RABGEF1: variants seen among roughly 807,000 people sequenced by gnomAD.
RABGEF1 encodes rab5 GDP/GTP exchange factor.
RABGEF1 carries 26 observed loss-of-function variants against 57.3 expected under a neutral mutation model. The observed-to-expected ratio is 0.45, with a 90% CI of 0.33 to 0.63. The LOEUF (loss-of-function observed/expected upper bound fraction) is 0.63. Ranked by LOEUF, RABGEF1 falls within the 20% of genes least tolerant of loss-of-function variation. The pLI is 0.02. For synonymous variants in RABGEF1, 185 were observed against 210.7 expected (o/e 0.88, Z 1.06); for missense variants, 464 against 607.6 (o/e 0.76, Z 2.48).
At chr7:66,798,604 A>T (rs1001425235) in intron 6 of RABGEF1, among the ~76,000 whole-genome samples, 3 of 152,090 alleles carry the variant, frequency 2.0e-5, no homozygotes, top group African/African-American at 7.2e-5. Context: ...ACCAGGAAAC[A>T]CACAGTGATT....
chr7:66,678,171 T>C (rs1789422590), upstream of RABGEF1, among the ~76,000 whole-genome samples: 1 of 152,144 alleles, frequency 6.6e-6, no homozygotes, highest in South Asian at 2.1e-4. Context: ...GCATTCTCCA[T>C]CTACCCATGA....
intron 1 of RABGEF1, among the ~76,000 whole-genome samples, chr7:66,703,068 G>C (rs1303065080): frequency 6.6e-6 from 1 of 152,088 alleles, no homozygotes; most frequent in Non-Finnish European, 1.5e-5. Context: ...CTGCCTCCTG[G>C]GTTCACTCCA....
intron 4 of RABGEF1, among the ~76,000 whole-genome samples, chr7:66,795,202 T>G (rs923480893): frequency 2.3e-4 from 35 of 152,160 alleles, no homozygotes; most frequent in Admixed American, 5.2e-4. Context: ...ATTCCCCCTT[T>G]TCTTCCTTTT....
chr7:66,779,831 TC>T (rs1414364264), intron 3 of RABGEF1, among the ~76,000 whole-genome samples: 1 of 152,144 alleles, frequency 6.6e-6, no homozygotes, highest in African/African-American at 2.4e-5. Context: ...ACACACGGAA[TC>T]CCTATTGGCT....
chr7:66,665,119 G>A, the RABGEF1 span: 4 of 152,220 alleles, frequency 2.6e-5, no homozygotes, highest in South Asian at 2.1e-4. Context: ...TCTGGGCCTC[G>A]GCTCTGGGCA....
chr7:66,738,023 GT>G (rs958049174), upstream of RABGEF1, among the ~76,000 whole-genome samples: 419 of 129,380 alleles, frequency 3.2e-3, 3 homozygotes, highest in Middle Eastern at 0.016. Flanking sequence ...TGTTTTTTTT[GT>G]TTTTTTTTTT....
At chr7:66,672,555 T>G in the RABGEF1 span, among the ~76,000 whole-genome samples, 2 of 152,256 alleles carry the variant, frequency 1.3e-5, no homozygotes, top group Non-Finnish European at 2.9e-5. Flanking sequence ...GAAATAATTA[T>G]AGCTGCTGCA....
At chr7:66,707,428 C>T (rs968620180) in intron 1 of RABGEF1, among the ~76,000 whole-genome samples, 1 of 152,180 alleles carries the variant, frequency 6.6e-6, no homozygotes, top group African/African-American at 2.4e-5. Flanking sequence ...CATGATGGCT[C>T]ACACCTGCAA....
intron 3 of RABGEF1, among the ~76,000 whole-genome samples, chr7:66,776,686 C>G (rs1808639675): frequency 6.6e-6 from 1 of 151,938 alleles, no homozygotes; most frequent in Admixed American, 6.6e-5. Context: ...CAGAGCAAGA[C>G]CCTGTCTAAA....
upstream of RABGEF1, among the ~76,000 whole-genome samples, chr7:66,736,963 CAA>C (rs1372253598): frequency 6.6e-6 from 1 of 152,076 alleles, no homozygotes; most frequent in Non-Finnish European, 1.5e-5. Context: ...CACACGCACA[CAA>C]ATATATATAT....
rs181685684 is a variant in RABGEF1, at chr7:66,752,264, T to G, written c.-18+11472T>G. Among the ~76,000 whole-genome samples, 465 of 151,396 alleles carry G rather than the reference T, an allele frequency of 3.1e-3. 4 individuals are homozygous for G. Among genetic ancestry groups the G allele is most frequent in the Middle Eastern group, 6.8e-3 (2 of 292 alleles). ...ATCTCAGCGCTTTGGGAGTCCGAGG[T>G]GGACGGATCACAACAAGGTCAGGAG... On this transcript the variant is annotated intron_variant, in intron 1 of 8. Coordinates refer to ENST00000284957, the MANE Select transcript of RABGEF1 (RefSeq NM_014504.3).
chr7:66,725,447 T>A (rs1381782460), intron 2 of RABGEF1, among the ~76,000 whole-genome samples: 1 of 152,240 alleles, frequency 6.6e-6, no homozygotes, highest in African/African-American at 2.4e-5. Flanking sequence ...ACTGGAATAA[T>A]GCAATCTGTG....
intron 8 of RABGEF1, 25 bp downstream of exon 8, chr7:66,805,421 G>A: frequency 6.2e-7 from 1 of 1,612,254 alleles, no homozygotes; most frequent in Non-Finnish European, 8.5e-7. Context: ...TCTTGGTGTT[G>A]TGGAGAAGGA....
chr7:66,705,695 G>GT lies in RABGEF1; in HGVS notation c.-872-6461dup, dbSNP rs1439855354. Among the ~76,000 whole-genome samples, 522 of 141,988 alleles carry GT rather than the reference G, an allele frequency of 3.7e-3. 5 individuals carry two copies. In the East Asian group the frequency reaches 0.045, roughly 12 times the overall value. The allele number at this position is 141,988 out of a possible 152,430, so 93.1% of individuals were successfully genotyped here. ...CACTTTCAGTTTGATAGATACAAGT[G>GT]TTTTTTTTTTTGTTTTTTTTTGTTT... On this transcript the variant is annotated intron_variant and NMD_transcript_variant, in intron 1 of 9. Coordinates refer to the RABGEF1 transcript ENST00000607882.
At chr7:66,797,232 A>C in intron 5 of RABGEF1, 142 bp from the exon 6 acceptor site, 1 of 763,090 alleles carries the variant, frequency 1.3e-6, no homozygotes, top group Non-Finnish European at 2.0e-6. Context: ...CGAGCCCAGG[A>C]GGTGGAGGTT....
intron 1 of RABGEF1, among the ~76,000 whole-genome samples, chr7:66,753,855 C>T (rs768913367): frequency 5.9e-5 from 9 of 151,622 alleles, no homozygotes; most frequent in African/African-American, 1.7e-4. Context: ...TACAGGCATG[C>T]GCCATCATGC....
At chr7:66,681,082 A>G (rs916640758), upstream of RABGEF1, among the ~76,000 whole-genome samples, 11 of 152,168 alleles carry the variant, frequency 7.2e-5, no homozygotes, top group African/African-American at 2.7e-4. Context: ...GACTGTCTCA[A>G]AAAAGAAAAA....
intron 2 of RABGEF1, among the ~76,000 whole-genome samples, chr7:66,729,513 C>T (rs1797062843): frequency 6.6e-6 from 1 of 151,824 alleles, no homozygotes; most frequent in Non-Finnish European, 1.5e-5. Flanking sequence ...CCTTCAACCT[C>T]ACCTTTATCC....
intron 8 of RABGEF1, among the ~76,000 whole-genome samples, chr7:66,806,897 G>A (rs10264223): frequency 0.16 from 24,130 of 152,004 alleles, 2,250 homozygotes; most frequent in East Asian, 0.29. Flanking sequence ...ACCCACCTCA[G>A]TTTCCCACAG....
Sources: allele counts gnomAD v4.1 joint callset (sites outside exome capture counted in the v4.1 genomes callset), GRCh38; gene constraint gnomAD v4.1.1; transcripts MANE v1.5; gene names NCBI Gene and HGNC (gene_info 2026-07-23, HGNC 2026-07-21).